AIF1L: variants seen among roughly 807,000 people sequenced by gnomAD.
The protein encoded by AIF1L is allograft inflammatory factor 1 like.
A neutral mutation model predicts 20.7 loss-of-function variants in AIF1L; 12 were observed. The ratio of observed to expected loss-of-function variants is 0.58; its 90% confidence interval spans 0.37 to 0.94. AIF1L has a LOEUF of 0.94. AIF1L is among the 40% of genes least tolerant of loss of function. AIF1L has a pLI of 0.01. For synonymous variants in AIF1L, 76 were observed against 65.1 expected, an observed-to-expected ratio of 1.17 and a Z score of -0.81; for missense variants, 173 against 185.3, an observed-to-expected ratio of 0.93 and a Z score of 0.39.
Position 131,121,576 on chromosome 9 carries a change from T to G in AIF1L, c.*1254T>G, listed in dbSNP as rs1185783838. 1.9e-5 allele frequency: 3 copies of G among 154,742 alleles called. No homozygotes were observed. In the Admixed American group the frequency reaches 2.0e-4, roughly 10 times the overall value. 9.6% of individuals were successfully genotyped at this position (154,742 alleles called of 1,614,324 possible). A position where few individuals can be genotyped will look rare whatever the true frequency, so the allele number is the denominator to read the frequency against. On this transcript the variant is annotated 3_prime_UTR_variant, in exon 6 of 6. Transcript: ENST00000247291. ...AGTGCCTTGCCCAAGGTCAGGCTTA[T>G]CTCCAGAGGGAGGTGCCCTGGACTG...
At chr9:131,108,832 G>A (rs1830809754) in intron 2 of AIF1L, among the ~76,000 whole-genome samples, 2 of 152,166 alleles carry the variant, frequency 1.3e-5, no homozygotes, top group Admixed American at 1.3e-4. Flanking sequence ...CCAAGGAGTG[G>A]GTACTATTGA....
intron 3 of AIF1L, chr9:131,111,868 G>A: frequency 1.1e-5 from 4 of 378,550 alleles, no homozygotes; most frequent in South Asian, 2.3e-5. Context: ...GCCCCTGCGG[G>A]CCCCGTCACC....
At chr9:131,102,796 G>A (rs1242820800) in intron 2 of AIF1L, 1 of 430,222 alleles carries the variant, frequency 2.3e-6, no homozygotes, top group African/African-American at 2.0e-5. Context: ...AAGAGCCTGT[G>A]GGCTGCGTCA....
intron 4 of AIF1L, among the ~76,000 whole-genome samples, chr9:131,116,267 T>C (rs963828080): frequency 5.9e-5 from 9 of 152,174 alleles, no homozygotes; most frequent in African/African-American, 2.2e-4. Flanking sequence ...ATTATTGATT[T>C]TTCTTTCTTT....
intron 2 of AIF1L, chr9:131,107,874 G>T (rs1229124316): frequency 6.6e-6 from 1 of 152,256 alleles, no homozygotes; most frequent in Non-Finnish European, 1.5e-5. Context: ...ACAGACAAAA[G>T]TTAATTGTCC....
chr9:131,096,634 C>G lies in AIF1L; in HGVS notation c.5C>G (p.Ser2Trp), dbSNP rs1050280684. M[S>W]GELSNRFQGG... ...GGCGGGAGCCCCGCGCTCGCCATGTCGGGCGAGCTCAGCAACAGGTTCCAA... is the reference window on the plus strand; with the variant it reads ...GGCGGGAGCCCCGCGCTCGCCATGTGGGGCGAGCTCAGCAACAGGTTCCAA... Residue 2 changes from serine to tryptophan, a missense_variant, in exon 1 of 6, where the codon TCG becomes TGG. Ser to Trp is a radical substitution (Grantham distance 177). Transcript: ENST00000247291. The G allele has an allele frequency of 1.3e-6, 2 of 1,484,266 alleles. No individual in the cohort carries two copies. Among genetic ancestry groups the G allele is most frequent in the Non-Finnish European group, 1.8e-6 (2 of 1,125,482 alleles). The allele number at this position is 1,484,266 out of a possible 1,614,324, so 91.9% of individuals were successfully genotyped here.
Position 131,096,835 on chromosome 9 carries a change from A to T in AIF1L, c.65A>T (p.Gln22Leu). The change falls in exon 2 of 6, where the codon CAG becomes CTG. Residue 22 changes from glutamine to leucine, a missense_variant. Physicochemically the swap from Gln to Leu is moderately radical, Grantham distance 113. Coordinates refer to ENST00000247291, the MANE Select transcript of AIF1L (RefSeq NM_031426.4). ...GCGTTCGGCTTGCTCAAAGCCCGGC[A>T]GGAGAGGAGGCTGGCCGAGATCAAC... is the stretch of plus-strand genomic sequence containing the variant. The part of the protein sequence containing the change: ...GKAFGLLKAR[Q>L]ERRLAEINRE... The T allele has an allele frequency of 6.5e-7, 1 of 1,538,710 alleles. No individual in the cohort carries two copies. The highest frequency in any genetic ancestry group is 2.6e-5 in the East Asian group (1 of 39,208).
At chr9:131,107,716 C>T (rs1830782275) in intron 2 of AIF1L, among the ~76,000 whole-genome samples, 4 of 152,160 alleles carry the variant, frequency 2.6e-5, no homozygotes, top group South Asian at 4.1e-4. Context: ...AGTTGGCACT[C>T]GTATATTAGT....
chr9:131,106,304 C>A, intron 2 of AIF1L: 2 of 1,354,830 alleles, frequency 1.5e-6, no homozygotes, highest in Non-Finnish European at 2.0e-6. Flanking sequence ...CTCCACTCAT[C>A]CTGCACATGT....
At chr9:131,109,199 AAT>A (rs1588183769) in intron 2 of AIF1L, among the ~76,000 whole-genome samples, 1 of 4,400 alleles carries the variant, frequency 2.3e-4, no homozygotes, top group South Asian at 0.038. Context: ...TGAATGAGTG[AAT>A]GAATGAATGA....
chr9:131,101,608 G>A (rs1402489184), intron 2 of AIF1L, among the ~76,000 whole-genome samples: 3 of 152,038 alleles, frequency 2.0e-5, no homozygotes, highest in Admixed American at 6.6e-5. Context: ...GCCTCCCAGA[G>A]TGCTGAGATT....
intron 3 of AIF1L, among the ~76,000 whole-genome samples, chr9:131,112,786 C>T (rs1269494880): frequency 6.6e-6 from 1 of 152,126 alleles, no homozygotes; most frequent in Non-Finnish European, 1.5e-5. Flanking sequence ...ATCCCAGCCA[C>T]CTGTAGGAGA....
intron 3 of AIF1L, 126 bp downstream of exon 3, chr9:131,111,789 C>T (rs1441516445): frequency 9.2e-6 from 9 of 982,244 alleles, no homozygotes; most frequent in Non-Finnish European, 1.4e-5. Context: ...GAATGCCCTT[C>T]TTCCTGGAGA....
In AIF1L at chr9:131,120,970, C is replaced by A. The variant is rs571904167; in HGVS notation, c.*648C>A. 1.8e-6 allele frequency: 1 copy of A among 566,556 alleles called. No individual in the cohort carries two copies. The highest frequency in any genetic ancestry group is 1.9e-5 in the African/African-American group (1 of 53,318). 35.1% of individuals were successfully genotyped at this position (566,556 alleles called of 1,614,324 possible). A position where few individuals can be genotyped will look rare whatever the true frequency, so the allele number is the denominator to read the frequency against. ...CCAGAAGGAACCCTCCAGTCCTGCTCTCTGGCCACACCTGTGCAGGCAGCT... is the reference window on the plus strand; with the variant it reads ...CCAGAAGGAACCCTCCAGTCCTGCTATCTGGCCACACCTGTGCAGGCAGCT... On this transcript the variant is annotated 3_prime_UTR_variant, in exon 6 of 6. Transcript: ENST00000247291.
At position 131,122,372 on chromosome 9, in the gene AIF1L, G is replaced by T. The variant is rs1320501139; in HGVS notation, c.*2050G>T. The T allele has an allele frequency of 6.6e-6, 1 of 152,612 alleles. No individual in the cohort carries two copies. Among genetic ancestry groups the T allele is most frequent in the Non-Finnish European group, 1.5e-5 (1 of 68,042 alleles). 9.5% of individuals were successfully genotyped at this position (152,612 alleles called of 1,614,324 possible). A position where few individuals can be genotyped will look rare whatever the true frequency, so the allele number is the denominator to read the frequency against. ...TGGCTGATCTTGAGCTCAAGGATCT[G>T]CTTCAAATGCACACAGGCCTAGTTG... On this transcript the variant is annotated 3_prime_UTR_variant, in exon 6 of 6. Transcript: ENST00000247291.
chr9:131,102,576 T>C (rs529011978), intron 2 of AIF1L, among the ~76,000 whole-genome samples: 3 of 152,342 alleles, frequency 2.0e-5, no homozygotes, highest in Admixed American at 6.5e-5. Flanking sequence ...CACAGGAAGC[T>C]GGAGATGGAA....
chr9:131,118,934 G>T (rs145993792), intron 5 of AIF1L, among the ~76,000 whole-genome samples: 14 of 152,276 alleles, frequency 9.2e-5, no homozygotes, highest in Non-Finnish European at 1.8e-4. Flanking sequence ...AGGGAGGCAG[G>T]GTTTGCATCT....
chr9:131,116,238 A>G (rs1466829091), intron 4 of AIF1L, among the ~76,000 whole-genome samples: 1 of 152,148 alleles, frequency 6.6e-6, no homozygotes, highest in Non-Finnish European at 1.5e-5. Context: ...AAATAAAACA[A>G]TGGTGAGTAT....
chr9:131,114,141 C>T (rs1830955378), intron 3 of AIF1L: 1 of 186,022 alleles, frequency 5.4e-6, no homozygotes, highest in Admixed American at 5.4e-5. Context: ...GTTCCCACAC[C>T]CGGTTGCCCA....
Sources: gnomAD v4.1 joint callset for allele counts (sites outside exome capture counted in the v4.1 genomes callset) on GRCh38, gnomAD v4.1.1 for gene constraint, MANE v1.5 for transcripts, NCBI Gene and HGNC (gene_info 2026-07-23, HGNC 2026-07-21) for gene names.